Variants in RRP12 observed in about 807,000 individuals in gnomAD.
RRP12 encodes ribosomal RNA processing 12 homolog, also known as RRP12-like protein.
Under a neutral mutation model 157.3 loss-of-function variants are expected in RRP12, and 78 were observed. The observed-to-expected ratio is 0.50, with a 90% CI of 0.41 to 0.60. RRP12 has a LOEUF of 0.60. Among genes scored for constraint, RRP12 ranks in the 20% least tolerant of loss-of-function variants. The probability of loss-of-function intolerance (pLI) is 0.00; values close to 1 mark genes in which losing one functional copy is unlikely to be tolerated. For synonymous variants in RRP12, 726 were observed against 670.9 expected (o/e 1.08, Z -1.27); for missense variants, 1,521 against 1,679.9 (o/e 0.91, Z 1.65).
intron 13 of RRP12, 42 bp downstream of exon 13, chr10:97,380,757 C>T: frequency 6.9e-7 from 1 of 1,443,940 alleles, no homozygotes; most frequent in Non-Finnish European, 9.8e-7. Context: ...GTCCAAGAGC[C>T]AGCACCACTT....
chr10:97,369,692 G>T, intron 24 of RRP12, 110 bp from the exon 25 acceptor site: 1 of 1,187,512 alleles, frequency 8.4e-7, no homozygotes, highest in Non-Finnish European at 1.2e-6. Flanking sequence ...GACATTGAGA[G>T]CCTTTCCGTA....
At chr10:97,398,122 T>G (rs1323825427) in intron 2 of RRP12, among the ~76,000 whole-genome samples, 2 of 81,194 alleles carry the variant, frequency 2.5e-5, no homozygotes, top group Non-Finnish European at 2.2e-5. Flanking sequence ...TGGCGCAATC[T>G]CGGCTCACTG....
chr10:97,364,280 G>A (rs1843916105), intron 29 of RRP12, among the ~76,000 whole-genome samples: 1 of 152,146 alleles, frequency 6.6e-6, no homozygotes, highest in Non-Finnish European at 1.5e-5. Context: ...CCCCCACTGT[G>A]CCAGGAAGGC....
Position 97,373,647 on chromosome 10 carries a change from T to C in RRP12, c.1954A>G (p.Ser652Gly). The C allele has an allele frequency of 6.2e-7, 1 of 1,613,876 alleles. No individual in the cohort carries two copies. The highest frequency in any genetic ancestry group is 8.5e-7 in the Non-Finnish European group (1 of 1,179,922). ...GLARTLGMAI[S>G]ERPDLRVTVC... The stretch of plus-strand genomic sequence containing the variant: ...GTGACCCTCAGGTCTGGACGCTCGC[T>C]GATGGCCATGCCCAGCGTCCGTGCC... Residue 652 changes from serine (S) to glycine (G), a missense_variant, in exon 17 of 34, where the codon AGC becomes GGC. Ser to Gly is a moderately conservative substitution (Grantham distance 56). Transcript: ENST00000370992.
intron 3 of RRP12, 22 bp downstream of exon 3, chr10:97,396,196 C>T (rs199723427): frequency 2.6e-6 from 4 of 1,563,672 alleles, no homozygotes; most frequent in Admixed American, 1.7e-5. Context: ...TGAACACCCA[C>T]CCTCCAGTGG....
chr10:97,399,079 G>GC (rs1218660105), intron 2 of RRP12, among the ~76,000 whole-genome samples: 11 of 152,094 alleles, frequency 7.2e-5, no homozygotes, highest in Non-Finnish European at 1.6e-4. Flanking sequence ...TTTGAGACCA[G>GC]CCTGACCAAC....
Position 97,366,625 on chromosome 10 carries a change from A to G in RRP12, c.3216-4T>C. The G allele has an allele frequency of 6.2e-7, 1 of 1,608,676 alleles. No homozygotes were observed. The highest frequency in any genetic ancestry group is 8.5e-7 in the Non-Finnish European group (1 of 1,176,442). On this transcript the variant is annotated splice_region_variant and splice_polypyrimidine_tract_variant and intron_variant, in intron 27 of 33. Coordinates refer to ENST00000370992, the MANE Select transcript of RRP12 (RefSeq NM_015179.4). ...GTCAGCTAAAATCTCCTCAATGCTA[A>G]GGACAAAAAGCCCCCAGTCAGAGTG...
At position 97,367,080 on chromosome 10, in the gene RRP12, T is replaced by C; in HGVS notation, c.3008A>G (p.Lys1003Arg). Residue 1003 changes from lysine (K) to arginine (R), a missense_variant, in exon 26 of 34, where the codon AAG (lysine) becomes AGG (arginine). Lys to Arg is a conservative substitution (Grantham distance 26). Coordinates refer to ENST00000370992, the MANE Select transcript of RRP12 (RefSeq NM_015179.4). ...SDDMRRHFRM[K>R]LRNLFTKFIR... ...GAACTTGGTGAACAGGTTCCGAAGC[T>C]TCATGCGGAAGTGCCGCCGCATGTC... The C allele has an allele frequency of 6.2e-7, 1 of 1,614,214 alleles. No homozygotes were observed. Among genetic ancestry groups the C allele is most frequent in the South Asian group, 1.1e-5 (1 of 91,090 alleles).
rs1844781855 is a variant in RRP12 at position 97,390,785 on chromosome 10, A to T, written c.590T>A (p.Ile197Asn). The stretch of plus-strand genomic sequence containing the variant: ...GCCGCTGCTGGCCTGAGCTGACATG[A>T]TATCCATGAAGGCTTTGGAGGTATC... ...FSDTSKAFMD[I>N]MSAQASSGST... The change falls in exon 5 of 34, where the codon ATC becomes AAC. Residue 197 changes from isoleucine to asparagine, a missense_variant. Transcript: ENST00000370992. 1 of 1,613,928 alleles carries T rather than the reference A, an allele frequency of 6.2e-7. No homozygotes were observed. Among genetic ancestry groups the T allele is most frequent in the Non-Finnish European group, 8.5e-7 (1 of 1,179,920 alleles).
chr10:97,371,537 C>A, intron 20 of RRP12: 1 of 204,752 alleles, frequency 4.9e-6, no homozygotes, highest in South Asian at 8.9e-5. Flanking sequence ...ACCTGCAGTG[C>A]TGCCCCAGAG....
rs1214940449 is a variant in RRP12, at chr10:97,373,030, C to T, written c.2181+16G>A. 1.2e-6 allele frequency: 2 copies of T among 1,600,426 alleles called. No individual in the cohort carries two copies. Among genetic ancestry groups the T allele is most frequent in the Admixed American group, 3.4e-5 (2 of 58,534 alleles). On this transcript the variant is annotated intron_variant, in intron 18 of 33. Transcript: ENST00000370992. ...GAGCTCCCCTCCTCCCTCCTTCCCT[C>T]CCTTCCGTGGCTCACCTGAGTGTCA...
At chr10:97,373,458 T>C in intron 17 of RRP12, 117 bp downstream of exon 17, 1 of 1,205,130 alleles carries the variant, frequency 8.3e-7, no homozygotes, top group Non-Finnish European at 1.1e-6. Context: ...CAGCAAAGGA[T>C]GAGCTCCAGA....
Position 97,373,211 on chromosome 10 carries a change from G to T in RRP12, c.2027-11C>A. On this transcript the variant is annotated splice_polypyrimidine_tract_variant and intron_variant, in intron 17 of 33. Transcript: ENST00000370992. ...CAGCACGGTCAGCCTCTGGTAAAAG[G>T]ATCAAAGTTTGCACTAAAGGCACAG... 1 of 1,613,496 alleles carries T rather than the reference G, an allele frequency of 6.2e-7. No homozygotes were observed. The highest frequency in any genetic ancestry group is 1.7e-5 in the Admixed American group (1 of 59,948).
chr10:97,396,721 A>G (rs1844974543), intron 2 of RRP12, among the ~76,000 whole-genome samples: 1 of 152,152 alleles, frequency 6.6e-6, no homozygotes, highest in African/African-American at 2.4e-5. Flanking sequence ...GTCCCTTATA[A>G]AAAATGGTGT....
chr10:97,395,221 CACAT>C (rs1432150656), intron 3 of RRP12, among the ~76,000 whole-genome samples: 11 of 152,112 alleles, frequency 7.2e-5, no homozygotes, highest in Admixed American at 1.3e-4. Flanking sequence ...CACACACACA[CACAT>C]ACATACATAC....
intron 18 of RRP12, 100 bp from the exon 19 acceptor site, chr10:97,372,903 A>C: frequency 1.4e-6 from 2 of 1,439,210 alleles, no homozygotes; most frequent in Admixed American, 2.0e-5. Context: ...ATCAGCCCCC[A>C]GCCCTGCCCA....
intron 15 of RRP12, among the ~76,000 whole-genome samples, chr10:97,378,111 G>A (rs181092260): frequency 3.3e-5 from 5 of 152,278 alleles, no homozygotes; most frequent in African/African-American, 9.6e-5. Context: ...CCATGATCAC[G>A]AAGGATAAGA....
At chr10:97,386,583 G>A (rs936875166) in intron 8 of RRP12, among the ~76,000 whole-genome samples, 2 of 152,184 alleles carry the variant, frequency 1.3e-5, no homozygotes, top group African/African-American at 2.4e-5. Context: ...ACAGGATTTG[G>A]AGGGAAGGAG....
At chr10:97,359,800 A>G (rs890688886) in intron 31 of RRP12, among the ~76,000 whole-genome samples, 3 of 152,202 alleles carry the variant, frequency 2.0e-5, no homozygotes, top group Non-Finnish European at 4.4e-5. Context: ...CTGCCTCAGC[A>G]TCACTCCATC....
Sources: gnomAD v4.1 joint callset for allele counts (sites outside exome capture counted in the v4.1 genomes callset) on GRCh38, gnomAD v4.1.1 for gene constraint, MANE v1.5 for transcripts, NCBI Gene and HGNC (gene_info 2026-07-23, HGNC 2026-07-21) for gene names.